RESP18: variants seen among roughly 807,000 people sequenced by gnomAD.
The protein encoded by RESP18 is regulated endocrine specific protein 18.
A neutral mutation model predicts 30.0 loss-of-function variants in RESP18; 30 were observed. That is an observed-to-expected ratio of 1.00 (90% CI 0.75 to 1.36). RESP18 has a LOEUF of 1.36. RESP18 is among the 40% of genes most tolerant of loss of function. The pLI is 0.00. For synonymous variants in RESP18, 117 were observed against 111.2 expected, an observed-to-expected ratio of 1.05 and a Z score of -0.33; for missense variants, 320 against 284.2, an observed-to-expected ratio of 1.13 and a Z score of -0.91.
intron 2 of RESP18, 88 bp from the exon 2 acceptor site, chr2:219,330,963 C>T: frequency 2.6e-6 from 2 of 767,436 alleles, no homozygotes; most frequent in East Asian, 5.4e-5. Flanking sequence ...TGTACTGTCA[C>T]TCCTGGACCC....
Position 219,329,275 on chromosome 2 carries a change from T to C in RESP18, c.466-23A>G, listed in dbSNP as rs186834601. On this transcript the variant is annotated intron_variant, in intron 4 of 6. Transcript: ENST00000333527. ...GCTCTGTGAGGAGGGAAACCAGGAG[T>C]CAAGGAGGAGGCAGAAAAGGGTGAG... 7.8e-4 allele frequency: 1,211 copies of C among 1,551,210 alleles called. 11 individuals carry two copies. The highest frequency in any genetic ancestry group is 7.6e-3 in the South Asian group (637 of 84,014).
chr2:219,329,497 T>C (rs1952807531), intron 4 of RESP18, 140 bp downstream of exon 3: 14 of 1,543,670 alleles, frequency 9.1e-6, no homozygotes, highest in Non-Finnish European at 1.2e-5. Context: ...ATGAAATTCT[T>C]CTCTGCTGAT....
chr2:219,327,631 T>A, intron 6 of RESP18, 68 bp from the exon 6 acceptor site: 2 of 1,320,484 alleles, frequency 1.5e-6, no homozygotes, highest in Non-Finnish European at 2.1e-6. Context: ...TCATCTGCCC[T>A]CCTTCCACAA....
chr2:219,329,551 C>T, intron 4 of RESP18, 86 bp downstream of exon 3: 1 of 1,541,682 alleles, frequency 6.5e-7, no homozygotes, highest in Non-Finnish European at 8.8e-7. Context: ...CTGGCAACTT[C>T]TACCTGCAGT....
At chr2:219,330,322 C>A (rs1952816792) in intron 3 of RESP18, among the ~76,000 whole-genome samples, 1 of 152,190 alleles carries the variant, frequency 6.6e-6, no homozygotes, top group African/African-American at 2.4e-5. Flanking sequence ...TGAAACTCTG[C>A]TGTGAGACAG....
intron 2 of RESP18, 191 bp from the exon 2 acceptor site, chr2:219,331,066 C>A (rs907307682): frequency 1.5e-5 from 8 of 543,772 alleles, no homozygotes; most frequent in African/African-American, 1.2e-4. Flanking sequence ...TATTCTTCAA[C>A]CCCTGGGCCT....
At position 219,330,795 on chromosome 2, in the gene RESP18, C is replaced by T. The variant is rs116695673; in HGVS notation, c.313G>A (p.Val105Met). The T allele has an allele frequency of 1.3e-6, 2 of 1,550,944 alleles. No homozygotes were observed. Among genetic ancestry groups the T allele is most frequent in the African/African-American group, 1.4e-5 (1 of 72,958 alleles). Residue 105 changes from valine to methionine, a missense_variant, in exon 3 of 7, where the codon GTG becomes ATG. By Grantham distance (21) the Val-to-Met change is conservative. Transcript: ENST00000333527. Reference sequence around the variant, plus strand: ...CCTTGGGGTATAATCTGCTGGAGCACAACCTGTAAATGCTGGAAGACTGGG... The same window carrying T: ...CCTTGGGGTATAATCTGCTGGAGCATAACCTGTAAATGCTGGAAGACTGGG...
At chr2:219,332,475 C>T in intron 2 of RESP18, 49 bp downstream of exon 1, 1 of 1,435,434 alleles carries the variant, frequency 7.0e-7, no homozygotes, top group Non-Finnish European at 9.5e-7. Context: ...CCCCACTTCT[C>T]AGGATCGCTT....
intron 1 of RESP18, 113 bp from the exon 1 acceptor site, chr2:219,332,857 C>G (rs1216205661): frequency 1.1e-6 from 1 of 874,694 alleles, no homozygotes. Context: ...CCTGACCCGG[C>G]TCCTTTCGGG....
Position 219,333,162 on chromosome 2 carries a change from C to G in RESP18, c.16G>C (p.Glu6Gln), listed in dbSNP as rs1223818759. 3 of 1,539,712 alleles carry G rather than the reference C, an allele frequency of 1.9e-6. No homozygotes were observed. Among genetic ancestry groups the G allele is most frequent in the Non-Finnish European group, 2.6e-6 (3 of 1,142,030 alleles). Residue 6 changes from glutamate to glutamine, a missense_variant and splice_region_variant, in exon 1 of 7, where the codon GAA (glutamate) becomes CAA (glutamine). Transcript: ENST00000333527. ...ATATGGCACATCCATCCACTTTACT[C>G]CACATCCACTGCCATCGCCTTGGTC... is the stretch of plus-strand genomic sequence containing the variant.
chr2:219,331,678 G>A (rs759682650), intron 2 of RESP18, among the ~76,000 whole-genome samples: 1 of 152,118 alleles, frequency 6.6e-6, no homozygotes, highest in African/African-American at 2.4e-5. Context: ...CTGAGGCAGC[G>A]TTCCCAGGAC....
In RESP18 at chr2:219,328,925, C is replaced by T. The variant is rs1952800665; in HGVS notation, c.639G>A (p.Met213Ile). Residue 213 changes from methionine (M) to isoleucine (I), a missense_variant and splice_region_variant, in exon 6 of 7, where the codon ATG becomes ATA. By Grantham distance (10) the Met-to-Ile change is conservative. Transcript: ENST00000333527. Reference sequence around the variant, plus strand: ...GCCTATTTTAAACTCAATACTTACGCATGATCTTATAGATAATTTCTTCCT... The same window carrying T: ...GCCTATTTTAAACTCAATACTTACGTATGATCTTATAGATAATTTCTTCCT... 11 of 1,546,036 alleles carry T rather than the reference C, an allele frequency of 7.1e-6. No homozygotes were observed. The East Asian group carries it at 2.4e-4, about 34-fold the overall frequency.
intron 1 of RESP18, 136 bp from the exon 1 acceptor site, chr2:219,332,880 C>T: frequency 1.3e-6 from 1 of 745,964 alleles, no homozygotes; most frequent in Non-Finnish European, 2.1e-6. Context: ...TTAGCTGGGT[C>T]CCAAGAACCA....
At chr2:219,328,885 C>T (rs1952800084) in intron 6 of RESP18, 39 bp downstream of exon 5, 1 of 1,348,184 alleles carries the variant, frequency 7.4e-7, no homozygotes, top group African/African-American at 1.5e-5. Flanking sequence ...ATTTTGAAAA[C>T]TCTGCTGTTT....
rs983126187 is a variant in RESP18 at position 219,329,258 on chromosome 2, A to G, written c.466-6T>C. ...TTCACCTTGGCCAGGGGGCTCTGTG[A>G]GGAGGGAAACCAGGAGTCAAGGAGG... On this transcript the variant is annotated splice_polypyrimidine_tract_variant and splice_region_variant and intron_variant, in intron 4 of 6. Transcript: ENST00000333527. 8 of 1,551,576 alleles carry G rather than the reference A, an allele frequency of 5.2e-6. No homozygotes were observed. In the African/African-American group the frequency reaches 9.6e-5, roughly 19 times the overall value.
At chr2:219,332,812 C>T (rs1398503527) in intron 1 of RESP18, 68 bp from the exon 1 acceptor site, 6 of 1,162,296 alleles carry the variant, frequency 5.2e-6, no homozygotes, top group Non-Finnish European at 7.2e-6. Context: ...CCAGCTCCTT[C>T]CCCTACCGCC....
intron 5 of RESP18, 44 bp downstream of exon 4, chr2:219,329,119 C>T (rs755702724): frequency 3.3e-6 from 5 of 1,521,154 alleles, no homozygotes; most frequent in Admixed American, 2.0e-5. Context: ...CTGCCTCCCT[C>T]ATTTAAACAG....
At position 219,327,505 on chromosome 2, in the gene RESP18, A is replaced by AT. The variant is rs1559314633; in HGVS notation, c.*11dup. On this transcript the variant is annotated 3_prime_UTR_variant, in exon 7 of 7. Transcript: ENST00000333527. The stretch of plus-strand genomic sequence containing the variant: ...GGGTGCTGGGGCAGGGAGGCTTCAC[A>AT]TGAGGTCTCAATCAGCCACAGGGTT... 6.4e-7 allele frequency: 1 copy of AT among 1,551,290 alleles called. No homozygotes were observed. The highest frequency in any genetic ancestry group is 1.2e-5 in the South Asian group (1 of 84,052).
intron 2 of RESP18, among the ~76,000 whole-genome samples, chr2:219,332,074 C>T (rs968776264): frequency 5.9e-5 from 9 of 152,174 alleles, no homozygotes; most frequent in Admixed American, 1.3e-4. Context: ...TGGTCCCATT[C>T]CCCCTCCATC....
Sources: allele counts gnomAD v4.1 joint callset (sites outside exome capture counted in the v4.1 genomes callset), GRCh38; gene constraint gnomAD v4.1.1; transcripts MANE v1.5; gene names NCBI Gene and HGNC (gene_info 2026-07-23, HGNC 2026-07-21).